Variants in RALYL observed in about 807,000 individuals in gnomAD.
The protein encoded by RALYL is RALY RNA binding protein like.
In RALYL, 29 loss-of-function variants were observed where a neutral mutation model predicts 35.1. That is an observed-to-expected ratio of 0.83 (90% CI 0.61 to 1.13). The LOEUF (loss-of-function observed/expected upper bound fraction) is 1.13. Among genes scored for constraint, RALYL ranks in the 50% most tolerant of loss-of-function variants. The probability of loss-of-function intolerance (pLI) is 0.00; values close to 1 mark genes in which losing one functional copy is unlikely to be tolerated. For missense variants in RALYL, 359 were observed against 360.4 expected (o/e 1.00, Z 0.03); for synonymous variants, 120 against 127.6 (o/e 0.94, Z 0.40).
At chr8:84,504,889 G>A (rs561733291) in intron 1 of RALYL, among the ~76,000 whole-genome samples, 22 of 152,126 alleles carry the variant, frequency 1.4e-4, no homozygotes, top group African/African-American at 5.3e-4. Flanking sequence ...TTGGCCCCAG[G>A]GTCACAAGCT....
intron 2 of RALYL, among the ~76,000 whole-genome samples, chr8:84,743,101 A>G (rs1225068861): frequency 6.6e-6 from 1 of 152,002 alleles, no homozygotes; most frequent in African/African-American, 2.4e-5. Context: ...GTATTCAATT[A>G]TTTTTGCAGC....
intron 8 of RALYL, among the ~76,000 whole-genome samples, chr8:84,911,073 A>T (rs1205980608): frequency 2.6e-5 from 4 of 152,136 alleles, no homozygotes; most frequent in African/African-American, 9.6e-5. Flanking sequence ...TGAAAAATTT[A>T]GCCAAAAAGA....
intron 3 of RALYL, among the ~76,000 whole-genome samples, chr8:84,788,830 C>T (rs543824576): frequency 2.8e-4 from 42 of 152,142 alleles, no homozygotes; most frequent in African/African-American, 9.9e-4. Flanking sequence ...CAGCTGAAGT[C>T]GTCTAATCTT....
At chr8:84,189,157 A>T (rs1021671325) in intron 1 of RALYL, among the ~76,000 whole-genome samples, 1 of 152,188 alleles carries the variant, frequency 6.6e-6, no homozygotes, top group Non-Finnish European at 1.5e-5. Flanking sequence ...AGAGAGGAAA[A>T]TTATGGAGTA....
chr8:84,277,108 G>T (rs533566452), intron 1 of RALYL, among the ~76,000 whole-genome samples: 1 of 152,104 alleles, frequency 6.6e-6, no homozygotes, highest in Non-Finnish European at 1.5e-5. Flanking sequence ...TACTGTATTA[G>T]TCTGTTCTCA....
At chr8:84,474,316 A>G (rs2053143107) in intron 1 of RALYL, among the ~76,000 whole-genome samples, 1 of 152,184 alleles carries the variant, frequency 6.6e-6, no homozygotes, top group Non-Finnish European at 1.5e-5. Context: ...AAAAGGTCAT[A>G]TTGTCATTTA....
chr8:84,751,314 TCTC>T (rs1334885677), intron 2 of RALYL, among the ~76,000 whole-genome samples: 4 of 152,030 alleles, frequency 2.6e-5, no homozygotes, highest in African/African-American at 9.7e-5. Context: ...TTCAAGCAGT[TCTC>T]CTGCCTCAGC....
At chr8:84,715,587 CAA>C (rs1307099769) in intron 2 of RALYL, among the ~76,000 whole-genome samples, 7 of 151,962 alleles carry the variant, frequency 4.6e-5, no homozygotes, top group Non-Finnish European at 8.8e-5. Flanking sequence ...AAAATATCTG[CAA>C]ATGAATGTAT....
At chr8:84,516,888 C>T (rs905932434) in intron 1 of RALYL, among the ~76,000 whole-genome samples, 3 of 152,116 alleles carry the variant, frequency 2.0e-5, no homozygotes, top group African/African-American at 7.2e-5. Flanking sequence ...GTGTAATTTA[C>T]TGTTTGAATA....
intron 1 of RALYL, among the ~76,000 whole-genome samples, chr8:84,367,637 T>G (rs999433560): frequency 6.6e-6 from 1 of 152,130 alleles, no homozygotes; most frequent in African/African-American, 2.4e-5. Flanking sequence ...CTATAATTTT[T>G]GAGAATATAT....
chr8:84,553,027 AT>A (rs1053263013), intron 2 of RALYL, among the ~76,000 whole-genome samples: 3 of 152,228 alleles, frequency 2.0e-5, no homozygotes, highest in African/African-American at 7.2e-5. Flanking sequence ...AGGAAATCTT[AT>A]GCAATTATAT....
At chr8:84,429,927 C>T (rs780586763) in intron 1 of RALYL, among the ~76,000 whole-genome samples, 1 of 151,808 alleles carries the variant, frequency 6.6e-6, no homozygotes, top group African/African-American at 2.4e-5. Context: ...ACGTATTGCC[C>T]CTCTGCCCAG....
intron 4 of RALYL, among the ~76,000 whole-genome samples, chr8:84,830,647 T>C (rs1272353235): frequency 6.6e-6 from 1 of 152,084 alleles, no homozygotes; most frequent in African/African-American, 2.4e-5. Context: ...TATATCAATA[T>C]AAACATTGAA....
intron 1 of RALYL, among the ~76,000 whole-genome samples, chr8:84,372,886 G>GTT (rs76885544): frequency 0.01 from 410 of 39,050 alleles, 46 homozygotes; most frequent in African/African-American, 0.04. Context: ...GCCAGCATCT[G>GTT]TTTTTTTTTT....
rs542735421 is a variant in RALYL at position 84,329,953 on chromosome 8, A to G, written c.-24+145529A>G. 4.2e-4 allele frequency among the ~76,000 whole-genome samples: 64 copies of G among 152,158 alleles called. 1 individual carries two copies. The highest frequency in any genetic ancestry group is 1.5e-3 in the African/African-American group (63 of 41,580). ...CTTCAAGACTTACTTTAAAAGCACT[A>G]CCTTATAGTTAAAACATGAAAGACA... On this transcript the variant is annotated intron_variant, in intron 1 of 8. Transcript: ENST00000521268.
At chr8:84,540,570 G>A (rs1431940232) in intron 2 of RALYL, among the ~76,000 whole-genome samples, 2 of 151,452 alleles carry the variant, frequency 1.3e-5, no homozygotes, top group Admixed American at 6.6e-5. Context: ...AAAAAGTGTT[G>A]TCTTGTGTGT....
At chr8:84,430,379 C>T (rs2132665337) in intron 1 of RALYL, among the ~76,000 whole-genome samples, 1 of 152,184 alleles carries the variant, frequency 6.6e-6, no homozygotes, top group East Asian at 1.9e-4. Flanking sequence ...ATATTCATTG[C>T]TTTATGGAAT....
chr8:84,466,989 T>C (rs566061285), intron 1 of RALYL, among the ~76,000 whole-genome samples: 167 of 152,276 alleles, frequency 1.1e-3, no homozygotes, highest in Middle Eastern at 3.4e-3. Context: ...GGTGGTGATA[T>C]CCCCTTTATC....
intron 2 of RALYL, among the ~76,000 whole-genome samples, chr8:84,576,765 A>G (rs1809538477): frequency 6.6e-6 from 1 of 152,190 alleles, no homozygotes. Context: ...TAAGTTCTCA[A>G]TAATTGTAAT....
Sources: allele counts gnomAD v4.1 joint callset (sites outside exome capture counted in the v4.1 genomes callset), GRCh38; gene constraint gnomAD v4.1.1; transcripts MANE v1.5; gene names NCBI Gene and HGNC (gene_info 2026-07-23, HGNC 2026-07-21).